SEPTIN1: variants seen among roughly 807,000 people sequenced by gnomAD.
The protein encoded by SEPTIN1 is septin 1.
In SEPTIN1, 52 loss-of-function variants were observed where a neutral mutation model predicts 50.7. That is an observed-to-expected ratio of 1.03 (90% confidence interval 0.82 to 1.29). The LOEUF (loss-of-function observed/expected upper bound fraction) is 1.29. SEPTIN1 is among the 50% of genes most tolerant of loss of function. The probability of loss-of-function intolerance (pLI) is 0.00; values close to 1 mark genes in which losing one functional copy is unlikely to be tolerated. For synonymous variants in SEPTIN1, 204 were observed against 189.1 expected (o/e 1.08, Z -0.65); for missense variants, 455 against 490.7 (o/e 0.93, Z 0.69).
rs2049857123 is a variant in SEPTIN1 at position 30,382,084 on chromosome 16, G to A, written c.196+9C>T. 6 of 1,577,646 alleles carry A rather than the reference G, an allele frequency of 3.8e-6. No homozygotes were observed. The highest frequency in any genetic ancestry group is 5.2e-6 in the Non-Finnish European group (6 of 1,161,182). ...GGCTACTGCCTCAAGAGGGTGGGGA[G>A]GGTCTTACCACTGGCCTCTGGCACC... On this transcript the variant is annotated intron_variant, in intron 3 of 10. Coordinates refer to ENST00000321367, the MANE Select transcript of SEPTIN1 (RefSeq NM_001365977.2). This position sits in a 1 kb window ranked among gnomAD's most constrained non-coding sequence, Gnocchi z 4.8.
chr16:30,382,396 C>A lies in SEPTIN1; in HGVS notation c.19-31G>T, dbSNP rs757000086. 10 of 1,583,962 alleles carry A rather than the reference C, an allele frequency of 6.3e-6. No individual in the cohort carries two copies. The South Asian group carries it at 1.0e-4, about 16-fold the overall frequency. ...GATGGGGGTGGACAATATGAGGCTG[C>A]TGGCAATGGCAGGCAGGGTCCCCAG... On this transcript the variant is annotated intron_variant, in intron 1 of 10. Transcript: ENST00000321367. This position sits in a 1 kb window ranked among gnomAD's most constrained non-coding sequence, Gnocchi z 4.8.
chr16:30,379,647 T>A, intron 7 of SEPTIN1, 113 bp from the exon 8 acceptor site: 2 of 573,228 alleles, frequency 3.5e-6, no homozygotes, highest in Non-Finnish European at 5.5e-6. Context: ...CCTCTTTTTT[T>A]TTTTTTTTTT....
chr16:30,379,245 A>C, intron 8 of SEPTIN1, 62 bp from the exon 9 acceptor site: 1 of 1,593,926 alleles, frequency 6.3e-7, no homozygotes. Flanking sequence ...CCCACCCGTA[A>C]GGGTCGGGTC....
rs2049852587 is a variant in SEPTIN1, at chr16:30,381,794, G to T, written c.286C>A (p.Pro96Thr). 6.2e-7 allele frequency: 1 copy of T among 1,614,000 alleles called. No homozygotes were observed. The highest frequency in any genetic ancestry group is 1.1e-5 in the South Asian group (1 of 91,094). Reference sequence around the variant, plus strand: ...CAGTCCACTGAGTCCCCAAAGCCAGGTGTGTCCACAAGGGTCAGCTTCACT... The same window carrying T: ...CAGTCCACTGAGTCCCCAAAGCCAGTTGTGTCCACAAGGGTCAGCTTCACT... ...VKVKLTLVDT[P>T]GFGDSVDCSD... Residue 96 changes from proline to threonine, a missense_variant, in exon 4 of 11, where the codon CCT (proline) becomes ACT (threonine). Physicochemically the swap from Pro to Thr is conservative, Grantham distance 38 (BLOSUM62 -1). Coordinates refer to ENST00000321367, the MANE Select transcript of SEPTIN1 (RefSeq NM_001365977.2). The surrounding 1 kb of genome is among the most constrained non-coding windows in gnomAD (Gnocchi z 4.3).
In SEPTIN1 at chr16:30,382,242, C is replaced by G. The variant is rs78818037; in HGVS notation, c.109+33G>C. Reference sequence around the variant, plus strand: ...ACAGCCAGGGCCTCCTAAGGACATCCCCTCCGCAGTTCCCTCTCCAAAACC... The same window carrying G: ...ACAGCCAGGGCCTCCTAAGGACATCGCCTCCGCAGTTCCCTCTCCAAAACC... On this transcript the variant is annotated intron_variant, in intron 2 of 10. Coordinates refer to ENST00000321367, the MANE Select transcript of SEPTIN1 (RefSeq NM_001365977.2). This position sits in a 1 kb window ranked among gnomAD's most constrained non-coding sequence, Gnocchi z 4.8. The G allele has an allele frequency of 6.2e-7, 1 of 1,612,808 alleles. No homozygotes were observed.
rs1172050003 is a variant in SEPTIN1 at position 30,381,478 on chromosome 16, G to A, written c.321-5C>T. On this transcript the variant is annotated splice_region_variant and splice_polypyrimidine_tract_variant and intron_variant, in intron 4 of 10. Transcript: ENST00000321367. The surrounding 1 kb of genome is among the most constrained non-coding windows in gnomAD (Gnocchi z 4.3). ...AATTTCACCACCGGAAGCCAGCTGGGTGTGGGGAGAGGATGTGAGGTCAGA... is the reference window on the plus strand; with the variant it reads ...AATTTCACCACCGGAAGCCAGCTGGATGTGGGGAGAGGATGTGAGGTCAGA... 1.9e-6 allele frequency: 3 copies of A among 1,613,946 alleles called. No individual in the cohort carries two copies. Among genetic ancestry groups the A allele is most frequent in the African/African-American group, 2.7e-5 (2 of 74,918 alleles).
chr16:30,381,205 G>T lies in SEPTIN1; in HGVS notation c.495C>A (p.His165Gln), dbSNP rs141703904. The T allele has an allele frequency of 6.2e-7, 1 of 1,614,008 alleles. No homozygotes were observed. Among genetic ancestry groups the T allele is most frequent in the Admixed American group, 1.7e-5 (1 of 59,988 alleles). Reference protein sequence around the residue: ...PLDVAFLRAVHEKVNIIPVIG... With the variant: ...PLDVAFLRAVQEKVNIIPVIG... ...TGACTGGGATGATGTTGACTTTCTC[G>T]TGTACTGCCCGGAGGAAGGCCACAT... is the stretch of plus-strand genomic sequence containing the variant. Residue 165 changes from histidine (H) to glutamine (Q), a missense_variant, in exon 6 of 11, where the codon CAC becomes CAA. Physicochemically the swap from His to Gln is conservative, Grantham distance 24. Coordinates refer to ENST00000321367, the MANE Select transcript of SEPTIN1 (RefSeq NM_001365977.2). This position sits in a 1 kb window ranked among gnomAD's most constrained non-coding sequence, Gnocchi z 4.3.
chr16:30,380,780 G>A (rs2049834411), intron 6 of SEPTIN1: 1 of 291,978 alleles, frequency 3.4e-6, no homozygotes, highest in Non-Finnish European at 6.6e-6. Flanking sequence ...AAAAAAAAAA[G>A]AGAGAGAAAG....
chr16:30,381,872 G>C lies in SEPTIN1; in HGVS notation c.208C>G (p.Gln70Glu), dbSNP rs1179552189. ...CCCCGGCGCTCAATGGCCAGGGTCT[G>C]TGTCAAGCGAGCTGTGGGATGGGGG... ...QVPEASARLT[Q>E]TLAIERRGVE... The change falls in exon 4 of 11, where the codon CAG becomes GAG. Residue 70 changes from glutamine to glutamate, a missense_variant. Transcript: ENST00000321367. This position sits in a 1 kb window ranked among gnomAD's most constrained non-coding sequence, Gnocchi z 4.3. 1.9e-6 allele frequency: 3 copies of C among 1,614,048 alleles called. No homozygotes were observed. The highest frequency in any genetic ancestry group is 1.6e-4 in the Middle Eastern group (1 of 6,084).
chr16:30,379,638 C>CTT, intron 7 of SEPTIN1, 104 bp from the exon 8 acceptor site: 14 of 295,660 alleles, frequency 4.7e-5, no homozygotes, highest in South Asian at 1.1e-4. Flanking sequence ...CTGCCCCTTC[C>CTT]TCTTTTTTTT....
chr16:30,378,353 C>T lies in SEPTIN1; in HGVS notation c.*81G>A, dbSNP rs2049779355. The T allele has an allele frequency of 6.0e-6, 8 of 1,329,590 alleles. No homozygotes were observed. In the South Asian group the frequency reaches 6.9e-5, roughly 11 times the overall value. The allele number at this position is 1,329,590 out of a possible 1,614,324, so 82.4% of individuals were successfully genotyped here. A position where few individuals can be genotyped will look rare whatever the true frequency, so the allele number is the denominator to read the frequency against. ...CGGCACCCGCGGAGGTCCCGGGGGG[C>T]GCTGGGCAGTGTGGGGCGCGGGGAT... On this transcript the variant is annotated 3_prime_UTR_variant, in exon 11 of 11. Transcript: ENST00000321367.
At position 30,379,186 on chromosome 16, in the gene SEPTIN1, G is replaced by A; in HGVS notation, c.776-3C>T. 1 of 1,613,884 alleles carries A rather than the reference G, an allele frequency of 6.2e-7. No individual in the cohort carries two copies. Among genetic ancestry groups the A allele is most frequent in the Non-Finnish European group, 8.5e-7 (1 of 1,179,798 alleles). On this transcript the variant is annotated splice_region_variant and splice_polypyrimidine_tract_variant and intron_variant, in intron 8 of 10. Transcript: ENST00000321367. ...ATCGCAGTGATGTGGGTTCTCCACTGGAGGGGGGGCGGCGCGGACCAGCGA... is the reference window on the plus strand; with the variant it reads ...ATCGCAGTGATGTGGGTTCTCCACTAGAGGGGGGGCGGCGCGGACCAGCGA...
Position 30,381,409 on chromosome 16 carries a change from G to A in SEPTIN1, c.385C>T (p.Leu129=). Residue 129 remains leucine (L), a synonymous_variant, in exon 5 of 11, where the codon CTG becomes TTG. Coordinates refer to ENST00000321367, the MANE Select transcript of SEPTIN1 (RefSeq NM_001365977.2). This position sits in a 1 kb window ranked among gnomAD's most constrained non-coding sequence, Gnocchi z 4.3. ...FEQYLRDESG[L]NRKNIQDSRV... is the part of the protein sequence containing the mutation. Reference sequence around the variant, plus strand: ...GAGTCCTGGATGTTCTTCCGGTTCAGGCCACTCTCATCCCTAAGGTACTGC... The same window carrying A: ...GAGTCCTGGATGTTCTTCCGGTTCAAGCCACTCTCATCCCTAAGGTACTGC... 1 of 1,613,922 alleles carries A rather than the reference G, an allele frequency of 6.2e-7. No individual in the cohort carries two copies. The highest frequency in any genetic ancestry group is 1.1e-5 in the South Asian group (1 of 91,062).
chr16:30,378,807 C>G, intron 9 of SEPTIN1, 107 bp from the exon 10 acceptor site: 2 of 911,272 alleles, frequency 2.2e-6, no homozygotes, highest in Non-Finnish European at 1.5e-6. Context: ...GAGGCGGAGC[C>G]AGTTCCTTGA....
rs767169336 is a variant in SEPTIN1 at position 30,378,641 on chromosome 16, G to C, written c.1001C>G (p.Thr334Ser). ...GTCTTTCTCGCGGATCAGCTTCTCG[G>C]TGTCCGCCAGAGGCAGCATGGGCAG... Reference protein sequence around the residue: ...IPLPMLPLADTEKLIREKDEE... With the variant: ...IPLPMLPLADSEKLIREKDEE... Residue 334 changes from threonine to serine, a missense_variant, in exon 10 of 11, where the codon ACC (threonine) becomes AGC (serine). Coordinates refer to ENST00000321367, the MANE Select transcript of SEPTIN1 (RefSeq NM_001365977.2). The C allele has an allele frequency of 6.2e-7, 1 of 1,610,770 alleles. No homozygotes were observed. Among genetic ancestry groups the C allele is most frequent in the Admixed American group, 1.7e-5 (1 of 60,006 alleles).
chr16:30,381,038 C>T lies in SEPTIN1; in HGVS notation c.573+89G>A. On this transcript the variant is annotated intron_variant, in intron 6 of 10. Coordinates refer to ENST00000321367, the MANE Select transcript of SEPTIN1 (RefSeq NM_001365977.2). The surrounding 1 kb of genome is among the most constrained non-coding windows in gnomAD (Gnocchi z 4.3). ...CAATCTAGCCTGATGCACCATGCTCCAGAAAGGCCACTTCAAGATCAAAGA... is the reference window on the plus strand; with the variant it reads ...CAATCTAGCCTGATGCACCATGCTCTAGAAAGGCCACTTCAAGATCAAAGA... 1.9e-6 allele frequency: 2 copies of T among 1,077,352 alleles called. No homozygotes were observed. The highest frequency in any genetic ancestry group is 2.9e-6 in the Non-Finnish European group (2 of 695,058). The allele number at this position is 1,077,352 out of a possible 1,614,324, so 66.7% of individuals were successfully genotyped here. A position where few individuals can be genotyped will look rare whatever the true frequency, so the allele number is the denominator to read the frequency against.
rs1202518745 is a variant in SEPTIN1, at chr16:30,381,272, G to GCCTCAGGGGGCAGAGACC, written c.456-46_456-29dup. 6.2e-7 allele frequency: 1 copy of GCCTCAGGGGGCAGAGACC among 1,611,748 alleles called. No homozygotes were observed. Among genetic ancestry groups the GCCTCAGGGGGCAGAGACC allele is most frequent in the Non-Finnish European group, 8.5e-7 (1 of 1,177,984 alleles). ...GCACCCAGGGATTGGTCATTGCCCA[G>GCCTCAGGGGGCAGAGACC]CCTCAGGGGGCAGAGACCCCCCAGC... On this transcript the variant is annotated intron_variant, in intron 5 of 10. Coordinates refer to ENST00000321367, the MANE Select transcript of SEPTIN1 (RefSeq NM_001365977.2). The surrounding 1 kb of genome is among the most constrained non-coding windows in gnomAD (Gnocchi z 4.3).
Position 30,378,168 on chromosome 16 carries a change from G to A in SEPTIN1, c.*266C>T, listed in dbSNP as rs1382201455. ...GGAAGCTCAGTTTTTATTGAAGACA[G>A]AGTCTGGGAGAAGAAGGGGGACTCC... On this transcript the variant is annotated 3_prime_UTR_variant, in exon 11 of 11. Transcript: ENST00000321367. 8 of 707,312 alleles carry A rather than the reference G, an allele frequency of 1.1e-5. No individual in the cohort carries two copies. The highest frequency in any genetic ancestry group is 2.0e-5 in the Non-Finnish European group (8 of 393,638). The allele number at this position is 707,312 out of a possible 1,614,324, so 43.8% of individuals were successfully genotyped here.
chr16:30,382,784 T>A (rs768650781), upstream of SEPTIN1: 1 of 1,535,694 alleles, frequency 6.5e-7, no homozygotes, highest in South Asian at 1.2e-5. The surrounding 1 kb of genome is among the most constrained non-coding windows in gnomAD (Gnocchi z 4.8). Context: ...CCACTGTAGC[T>A]CCATCATCGT....
Sources: allele counts gnomAD v4.1 joint callset, GRCh38; gene constraint gnomAD v4.1.1; non-coding constraint Gnocchi (gnomAD v3.1); transcripts MANE v1.5; gene names NCBI Gene and HGNC (gene_info 2026-07-23, HGNC 2026-07-21).